Variants in CACNG7 observed in about 807,000 individuals in gnomAD.
CACNG7 encodes the protein voltage-dependent calcium channel gamma-7 subunit.
CACNG7 carries 9 observed loss-of-function variants against 26.3 expected under a neutral mutation model. The ratio of observed to expected loss-of-function variants is 0.34; its 90% CI spans 0.21 to 0.60. CACNG7 has a LOEUF of 0.60. Among genes scored for constraint, CACNG7 ranks in the 20% least tolerant of loss-of-function variants. The pLI is 0.81. For synonymous variants in CACNG7, 170 were observed against 157.0 expected (o/e 1.08, Z -0.62); for missense variants, 297 against 380.4 (o/e 0.78, Z 1.82).
At chr19:53,910,057 TG>T (rs989905628) in intron 1 of CACNG7, among the ~76,000 whole-genome samples, 1 of 151,922 alleles carries the variant, frequency 6.6e-6, no homozygotes, top group Non-Finnish European at 1.5e-5. Context: ...TAAGGAGATC[TG>T]GGCGGGCCAG....
chr19:53,914,945 T>A (rs963471154), intron 3 of CACNG7, among the ~76,000 whole-genome samples: 1 of 148,800 alleles, frequency 6.7e-6, no homozygotes, highest in African/African-American at 2.5e-5. Flanking sequence ...GAGCTTGCAG[T>A]GAGCCAAGAT....
rs189778120 is a variant in CACNG7, at chr19:53,912,976, G to A, written c.145G>A (p.Glu49Lys). The A allele has an allele frequency of 1.0e-4, 163 of 1,613,906 alleles. No individual in the cohort carries two copies. Among genetic ancestry groups the A allele is most frequent in the Middle Eastern group, 5.0e-4 (3 of 6,022 alleles). The change falls in exon 2 of 6, where the codon GAG becomes AAG. Residue 49 changes from glutamate (E) to lysine (K), a missense_variant. Glu to Lys is a moderately conservative substitution (Grantham distance 56). Coordinates refer to ENST00000391767, the MANE Select transcript of CACNG7 (RefSeq NM_031896.5). The surrounding 1 kb of genome is among the most constrained non-coding windows in gnomAD (Gnocchi z 4.6). The stretch of plus-strand genomic sequence containing the variant: ...AGTGCTACCGCAGAACCAGACCACC[G>A]AGGTCAAGATGGCCCTGCACGCCGG... The part of the protein sequence containing the change: ...GTVLPQNQTT[E>K]VKMALHAGLW...
At chr19:53,929,443 A>G (rs1485164147) in intron 4 of CACNG7, among the ~76,000 whole-genome samples, 6 of 151,880 alleles carry the variant, frequency 4.0e-5, no homozygotes, top group African/African-American at 1.5e-4. Flanking sequence ...CTTCATGATC[A>G]TTCTCTTTAT....
In CACNG7 at chr19:53,942,743, C is replaced by T. The variant is rs2145922397; in HGVS notation, c.*450C>T. The T allele has an allele frequency of 4.7e-6, 1 of 212,982 alleles. No homozygotes were observed. The highest frequency in any genetic ancestry group is 8.6e-6 in the Non-Finnish European group (1 of 116,832). 13.2% of individuals were successfully genotyped at this position (212,982 alleles called of 1,614,324 possible). A position where few individuals can be genotyped will look rare whatever the true frequency, so the allele number is the denominator to read the frequency against. Reference sequence around the variant, plus strand: ...CGTCGGGAATACCGACCATCCTCTTCTCCCTTCTAACCTGGGCTTCCTTTT... The same window carrying T: ...CGTCGGGAATACCGACCATCCTCTTTTCCCTTCTAACCTGGGCTTCCTTTT... On this transcript the variant is annotated 3_prime_UTR_variant, in exon 6 of 6. Coordinates refer to ENST00000391767, the MANE Select transcript of CACNG7 (RefSeq NM_031896.5). This position sits in a 1 kb window ranked among gnomAD's most constrained non-coding sequence, Gnocchi z 5.9.
At chr19:53,910,972 G>A (rs1320922357) in intron 1 of CACNG7, among the ~76,000 whole-genome samples, 1 of 151,884 alleles carries the variant, frequency 6.6e-6, no homozygotes, top group Non-Finnish European at 1.5e-5. Flanking sequence ...AGAGTTCAGG[G>A]CACTGAATCC....
intron 4 of CACNG7, among the ~76,000 whole-genome samples, chr19:53,934,759 CGA>C (rs955191235): frequency 2.0e-5 from 3 of 151,604 alleles, no homozygotes; most frequent in African/African-American, 7.3e-5. Context: ...GGCCATAGAG[CGA>C]GACCCCATCT....
chr19:53,910,725 T>G (rs557999931), intron 1 of CACNG7, among the ~76,000 whole-genome samples: 1 of 152,190 alleles, frequency 6.6e-6, no homozygotes, highest in Admixed American at 6.5e-5. Context: ...AGATCTGGGT[T>G]GAGGAGCTCC....
intron 4 of CACNG7, among the ~76,000 whole-genome samples, chr19:53,929,157 C>A (rs2069054813): frequency 1.4e-5 from 2 of 146,798 alleles, no homozygotes; most frequent in Admixed American, 6.8e-5. Context: ...AAGGCCTGAG[C>A]TGGGGCAAGG....
chr19:53,920,347 G>C (rs1158060536), intron 4 of CACNG7, among the ~76,000 whole-genome samples: 4 of 108,834 alleles, frequency 3.7e-5, no homozygotes, highest in African/African-American at 9.2e-5. Flanking sequence ...CATTGGTGGA[G>C]TTTCCCCAGG....
rs2069132716 is a variant in CACNG7, at chr19:53,940,811, T to G, written c.425-659T>G. Among the ~76,000 whole-genome samples the G allele has an allele frequency of 6.6e-6, 1 of 151,922 alleles. No individual in the cohort carries two copies. Among genetic ancestry groups the G allele is most frequent in the Non-Finnish European group, 1.5e-5 (1 of 67,998 alleles). On this transcript the variant is annotated intron_variant, in intron 4 of 5. Transcript: ENST00000391767. This position sits in a 1 kb window ranked among gnomAD's most constrained non-coding sequence, Gnocchi z 4.1. ...GGCTCAAACCTGTAATCTTAGCATT[T>G]GGGGAGGCCGAGGTGGGTGGATCAC...
chr19:53,923,169 G>T (rs1375307390), intron 4 of CACNG7, among the ~76,000 whole-genome samples: 3 of 92,952 alleles, frequency 3.2e-5, no homozygotes, highest in African/African-American at 1.3e-4. Flanking sequence ...CATTGGTGGA[G>T]TTGTCCCAGG....
chr19:53,940,601 G>A lies in CACNG7; in HGVS notation c.425-869G>A, dbSNP rs1166322196. 6.6e-6 allele frequency among the ~76,000 whole-genome samples: 1 copy of A among 151,984 alleles called. No homozygotes were observed. The highest frequency in any genetic ancestry group is 1.9e-4 in the East Asian group (1 of 5,178). ...CACCCAGCTCCTGGGCCCGGCATTCGAGGCTCACCATGGCTATACCTTCCC... is the reference window on the plus strand; with the variant it reads ...CACCCAGCTCCTGGGCCCGGCATTCAAGGCTCACCATGGCTATACCTTCCC... On this transcript the variant is annotated intron_variant, in intron 4 of 5. Transcript: ENST00000391767. This position sits in a 1 kb window ranked among gnomAD's most constrained non-coding sequence, Gnocchi z 4.1.
rs1233797378 is a variant in CACNG7 at position 53,940,774 on chromosome 19, G to A, written c.425-696G>A. Among the ~76,000 whole-genome samples, 1 of 152,060 alleles carries A rather than the reference G, an allele frequency of 6.6e-6. No individual in the cohort carries two copies. Among genetic ancestry groups the A allele is most frequent in the African/African-American group, 2.4e-5 (1 of 41,410 alleles). ...TCTTCTCTGGGCCTCATCCTTTAAG[G>A]CCGGGCGCGGTGGCTCAAACCTGTA... On this transcript the variant is annotated intron_variant, in intron 4 of 5. Transcript: ENST00000391767. This position sits in a 1 kb window ranked among gnomAD's most constrained non-coding sequence, Gnocchi z 4.1.
In CACNG7 at chr19:53,942,625, A is replaced by G. The variant is rs1426170923; in HGVS notation, c.*332A>G. 2.6e-6 allele frequency: 3 copies of G among 1,158,116 alleles called. No homozygotes were observed. Among genetic ancestry groups the G allele is most frequent in the African/African-American group, 1.6e-5 (1 of 63,352 alleles). The allele number at this position is 1,158,116 out of a possible 1,614,324, so 71.7% of individuals were successfully genotyped here. A position where few individuals can be genotyped will look rare whatever the true frequency, so the allele number is the denominator to read the frequency against. ...TCTCCACCTGCTCTGAGCTGGGAGCAGCCAGAGGCGGTGCAAGCGCCCAGC... is the reference window on the plus strand; with the variant it reads ...TCTCCACCTGCTCTGAGCTGGGAGCGGCCAGAGGCGGTGCAAGCGCCCAGC... On this transcript the variant is annotated 3_prime_UTR_variant, in exon 6 of 6. Coordinates refer to ENST00000391767, the MANE Select transcript of CACNG7 (RefSeq NM_031896.5). The surrounding 1 kb of genome is among the most constrained non-coding windows in gnomAD (Gnocchi z 5.9).
intron 4 of CACNG7, among the ~76,000 whole-genome samples, chr19:53,919,826 T>TATTGGTGGAGTTGCCCCAGG (rs2068926185): frequency 9.2e-6 from 1 of 108,854 alleles, no homozygotes; most frequent in South Asian, 3.2e-4. Context: ...TTGCCCCAGG[T>TATTGGTGGAGTTGCCCCAGG]CTGGTCATTG....
At chr19:53,941,133 GCCC>G (rs2069134946) in intron 4 of CACNG7, among the ~76,000 whole-genome samples, 2 of 151,882 alleles carry the variant, frequency 1.3e-5, no homozygotes, top group African/African-American at 4.8e-5. Flanking sequence ...TCTTGCCCCT[GCCC>G]CAGGCAGGTT....
At chr19:53,922,643 CCTGGTCATTGGTGCAGTTGTCCCAGG>C (rs1302548976) in intron 4 of CACNG7, among the ~76,000 whole-genome samples, 8 of 71,560 alleles carry the variant, frequency 1.1e-4, no homozygotes, top group East Asian at 9.9e-4. Context: ...TGTCCCCAGG[CCTGGTCATTGGTGCAGTTGTCCCAGG>C]CTGGTCATTG....
chr19:53,915,652 G>A (rs1599966884), intron 4 of CACNG7, 147 bp downstream of exon 4: 1 of 916,080 alleles, frequency 1.1e-6, no homozygotes, highest in East Asian at 2.7e-5. Flanking sequence ...ATGTGCAATG[G>A]AAATAGCAGT....
intron 1 of CACNG7, among the ~76,000 whole-genome samples, chr19:53,911,751 C>T (rs2068863854): frequency 2.6e-5 from 4 of 152,194 alleles, no homozygotes; most frequent in Middle Eastern, 3.4e-3. Context: ...ACCCCTGAGC[C>T]GCCAGGCGGA....
Sources: gnomAD v4.1 joint callset for allele counts (sites outside exome capture counted in the v4.1 genomes callset) on GRCh38, gnomAD v4.1.1 for gene constraint, Gnocchi (gnomAD v3.1) non-coding constraint, MANE v1.5 for transcripts, NCBI Gene and HGNC (gene_info 2026-07-23, HGNC 2026-07-21) for gene names.